The following CDK14 variants were observed in gnomAD, a reference collection of about 807,000 sequenced individuals.
CDK14 encodes cyclin dependent kinase 14, also known as cyclin-dependent kinase 14.
Under a neutral mutation model 60.7 loss-of-function variants are expected in CDK14, and 34 were observed. The observed-to-expected ratio is 0.56, with a 90% CI of 0.43 to 0.75. The LOEUF is 0.75. Ranked by LOEUF, CDK14 falls within the 30% of genes least tolerant of loss-of-function variation. The pLI is 0.00. For synonymous variants in CDK14, 197 were observed against 203.7 expected (o/e 0.97, Z 0.28); for missense variants, 482 against 564.1 (o/e 0.85, Z 1.47).
At chr7:90,799,671 CAA>C (rs1788560881) in intron 5 of CDK14, among the ~76,000 whole-genome samples, 1 of 94,022 alleles carries the variant, frequency 1.1e-5, no homozygotes, top group Non-Finnish European at 1.9e-5. Flanking sequence ...GCCTGGGTGA[CAA>C]GAGTGAAACT....
chr7:91,062,189 C>A (rs1034616956), intron 11 of CDK14, among the ~76,000 whole-genome samples: 1 of 152,182 alleles, frequency 6.6e-6, no homozygotes, highest in African/African-American at 2.4e-5. Context: ...GGGCTTAGGA[C>A]CCTCCGAGCC....
At chr7:90,773,843 C>CCTCCTCTCCTCTCCTCCTCCT (rs1804887316) in intron 4 of CDK14, among the ~76,000 whole-genome samples, 1 of 78,660 alleles carries the variant, frequency 1.3e-5, no homozygotes, top group African/African-American at 5.2e-5. Context: ...TCTTCTCTTC[C>CCTCCTCTCCTCTCCTCCTCCT]CTCCTCTCCT....
chr7:90,836,974 C>T (rs1790123367), intron 5 of CDK14, among the ~76,000 whole-genome samples: 1 of 152,238 alleles, frequency 6.6e-6, no homozygotes, highest in Non-Finnish European at 1.5e-5. Flanking sequence ...ACCTCATTTG[C>T]ATCACAGATT....
intron 10 of CDK14, among the ~76,000 whole-genome samples, chr7:90,993,615 G>GGA (rs1795597939): frequency 6.6e-6 from 1 of 152,138 alleles, no homozygotes; most frequent in Non-Finnish European, 1.5e-5. Flanking sequence ...TACGTGAAAG[G>GGA]GAGTGGGGTA....
Position 91,207,652 on chromosome 7 carries a change from C to T in CDK14, c.*516C>T, listed in dbSNP as rs369356341. On this transcript the variant is annotated 3_prime_UTR_variant, in exon 15 of 15. Coordinates refer to ENST00000380050, the MANE Select transcript of CDK14 (RefSeq NM_001287135.2). ...AGGAAATTTTCTGCTAAAGCAAACC[C>T]CTGTTCTCTGACTTGACAACTTGGC... 6.6e-6 allele frequency: 1 copy of T among 152,632 alleles called. No homozygotes were observed. Among genetic ancestry groups the T allele is most frequent in the Non-Finnish European group, 1.5e-5 (1 of 68,052 alleles). 9.5% of individuals were successfully genotyped at this position (152,632 alleles called of 1,614,324 possible).
chr7:90,859,456 G>A (rs1211643156), intron 5 of CDK14, among the ~76,000 whole-genome samples: 3 of 152,084 alleles, frequency 2.0e-5, no homozygotes, highest in Admixed American at 6.5e-5. Flanking sequence ...AGACTCATTT[G>A]CATGGTAATT....
At chr7:90,927,307 T>A (rs1486782553) in intron 8 of CDK14, among the ~76,000 whole-genome samples, 1 of 152,144 alleles carries the variant, frequency 6.6e-6, no homozygotes, top group Non-Finnish European at 1.5e-5. Context: ...TCATTCTTCT[T>A]AGCATTCAGA....
intron 5 of CDK14, among the ~76,000 whole-genome samples, chr7:90,853,027 A>AT (rs1170705381): frequency 6.6e-6 from 1 of 152,148 alleles, no homozygotes; most frequent in Non-Finnish European, 1.5e-5. Flanking sequence ...ATCTGTATTC[A>AT]TTTTTTATGG....
At chr7:90,658,062 A>G (rs1254381744) in intron 2 of CDK14, among the ~76,000 whole-genome samples, 3 of 152,042 alleles carry the variant, frequency 2.0e-5, no homozygotes, top group Admixed American at 1.3e-4. Flanking sequence ...CAATATTTTC[A>G]TCACCCTAAA....
At chr7:90,652,326 A>G (rs1271966204) in intron 2 of CDK14, among the ~76,000 whole-genome samples, 1 of 152,220 alleles carries the variant, frequency 6.6e-6, no homozygotes, top group Non-Finnish European at 1.5e-5. Flanking sequence ...GAATCAAATG[A>G]ACATTTTATA....
chr7:90,854,653 C>CTTT (rs575846938), intron 5 of CDK14, among the ~76,000 whole-genome samples: 10 of 144,604 alleles, frequency 6.9e-5, no homozygotes, highest in African/African-American at 2.0e-4. Flanking sequence ...AACCACTCAT[C>CTTT]TTTTTTTTTT....
chr7:90,904,435 G>A (rs1472791743), intron 7 of CDK14, among the ~76,000 whole-genome samples: 1 of 152,072 alleles, frequency 6.6e-6, no homozygotes, highest in Admixed American at 6.6e-5. Context: ...CAAAAATGTG[G>A]TATTATTTTT....
intron 7 of CDK14, among the ~76,000 whole-genome samples, chr7:90,909,539 G>A (rs1792821768): frequency 6.7e-6 from 1 of 150,168 alleles, no homozygotes; most frequent in African/African-American, 2.5e-5. Context: ...ACAAAGATCA[G>A]TCACACTAGC....
chr7:91,060,434 C>T (rs1401983322), intron 11 of CDK14, among the ~76,000 whole-genome samples: 1 of 152,058 alleles, frequency 6.6e-6, no homozygotes, highest in African/African-American at 2.4e-5. Context: ...TGAATTTGAT[C>T]CTGTCATTAT....
chr7:90,639,517 G>C (rs879753283), intron 2 of CDK14, among the ~76,000 whole-genome samples: 11 of 152,038 alleles, frequency 7.2e-5, no homozygotes, highest in African/African-American at 2.4e-4. Context: ...ACCTGGCCGT[G>C]TGAGGTGTCA....
At chr7:90,991,014 G>C (rs906886975) in intron 10 of CDK14, among the ~76,000 whole-genome samples, 4 of 152,114 alleles carry the variant, frequency 2.6e-5, no homozygotes, top group African/African-American at 9.7e-5. Flanking sequence ...CAGGAAACCA[G>C]GTCAGAAAGA....
At chr7:91,159,161 C>G (rs141188026) in intron 14 of CDK14, among the ~76,000 whole-genome samples, 1 of 152,170 alleles carries the variant, frequency 6.6e-6, no homozygotes, top group Non-Finnish European at 1.5e-5. Flanking sequence ...AAACAGAGAA[C>G]ATGCTGGCTT....
At chr7:90,980,129 ATAAAT>A (rs1470784246) in intron 9 of CDK14, among the ~76,000 whole-genome samples, 1 of 152,158 alleles carries the variant, frequency 6.6e-6, no homozygotes, top group African/African-American at 2.4e-5. Flanking sequence ...TACCTGAGAC[ATAAAT>A]TAAATTGGGA....
chr7:90,645,466 T>A (rs1800445479), intron 2 of CDK14, among the ~76,000 whole-genome samples: 1 of 152,176 alleles, frequency 6.6e-6, no homozygotes, highest in South Asian at 2.1e-4. Context: ...TCTACACATT[T>A]GCCAGGCTTG....
Sources: gnomAD v4.1 joint callset for allele counts (sites outside exome capture counted in the v4.1 genomes callset) on GRCh38, gnomAD v4.1.1 for gene constraint, MANE v1.5 for transcripts, NCBI Gene and HGNC (gene_info 2026-07-23, HGNC 2026-07-21) for gene names.